Variants in IARS1 observed in about 807,000 individuals in gnomAD.
IARS1 encodes isoleucine--tRNA ligase, cytoplasmic.
Under a neutral mutation model 168.2 loss-of-function variants are expected in IARS1, and 124 were observed. The ratio of observed to expected loss-of-function variants is 0.74; its 90% CI spans 0.64 to 0.86. The LOEUF is 0.86. IARS1 is among the 40% of genes least tolerant of loss of function. The probability of loss-of-function intolerance (pLI) is 0.00; values close to 1 mark genes in which losing one functional copy is unlikely to be tolerated. For missense variants in IARS1, 1,452 were observed against 1,515.8 expected (o/e 0.96, Z 0.70); for synonymous variants, 532 against 529.4 (o/e 1.00, Z -0.07).
chr9:92,281,958 T>C (rs1420713373), intron 6 of IARS1, among the ~76,000 whole-genome samples: 1 of 152,150 alleles, frequency 6.6e-6, no homozygotes, highest in East Asian at 1.9e-4. Context: ...TGTAGGTCTT[T>C]TTTGTTTTTC....
At chr9:92,215,681 GATGAA>G (rs1838550953) in intron 33 of IARS1, among the ~76,000 whole-genome samples, 1 of 152,024 alleles carries the variant, frequency 6.6e-6, no homozygotes, top group African/African-American at 2.4e-5. Context: ...AGCGATGGAA[GATGAA>G]ATGAATGAAA....
In IARS1 at chr9:92,231,012, A is replaced by G. The variant is rs2133492863; in HGVS notation, c.3284-1886T>C. Among the ~76,000 whole-genome samples the G allele has an allele frequency of 2.0e-5, 3 of 152,312 alleles. 1 individual carries two copies. Among genetic ancestry groups the G allele is most frequent in the Middle Eastern group, 6.8e-3 (2 of 294 alleles). On this transcript the variant is annotated intron_variant, in intron 30 of 33. Coordinates refer to ENST00000443024, the MANE Select transcript of IARS1 (RefSeq NM_002161.6). Reference sequence around the variant, plus strand: ...TCTTTTGTCAAATATGTTGTTTTATAAAGATTTTCTCCCAGTCTGTAGCTT... The same window carrying G: ...TCTTTTGTCAAATATGTTGTTTTATGAAGATTTTCTCCCAGTCTGTAGCTT...
In IARS1 at chr9:92,260,232, T is replaced by C. The variant is rs1390356866; in HGVS notation, c.1790A>G (p.Asp597Gly). The C allele has an allele frequency of 1.1e-5, 17 of 1,610,888 alleles. No homozygotes were observed. The highest frequency in any genetic ancestry group is 1.4e-5 in the Non-Finnish European group (16 of 1,176,994). Residue 597 changes from aspartate to glycine, a missense_variant and splice_region_variant, in exon 18 of 34, where the codon GAT becomes GGT. By Grantham distance (94) the Asp-to-Gly change is moderately conservative. Coordinates refer to ENST00000443024, the MANE Select transcript of IARS1 (RefSeq NM_002161.6). Reference protein sequence around the residue: ...VIVNGLVLASDGQKMSKRKKN... With the variant: ...VIVNGLVLASGGQKMSKRKKN... ...TTTCCGTTTGCTCATTTTTTGGCCA[T>C]CACTTGTAAAACAAAAGGGAGATGC...
rs1024236848 is a variant in IARS1 at position 92,280,076 on chromosome 9, T to C, written c.745+670A>G. Among the ~76,000 whole-genome samples, 16 of 152,356 alleles carry C rather than the reference T, an allele frequency of 1.1e-4. No homozygotes were observed. In the South Asian group the frequency reaches 3.1e-3, roughly 30 times the overall value. On this transcript the variant is annotated intron_variant, in intron 7 of 33. Coordinates refer to ENST00000443024, the MANE Select transcript of IARS1 (RefSeq NM_002161.6). ...ACTTGGGTTGCTTCTATCTTTTGAC[T>C]ACTGTGAATAATGCTCCTATGAACA...
chr9:92,220,830 G>A (rs1256143797), intron 33 of IARS1, among the ~76,000 whole-genome samples: 1 of 152,110 alleles, frequency 6.6e-6, no homozygotes, highest in Non-Finnish European at 1.5e-5. Flanking sequence ...AGCTGGGCAT[G>A]GTGGCGCGTG....
At chr9:92,265,156 C>G in intron 15 of IARS1, 33 bp from the exon 16 acceptor site, 1 of 1,562,810 alleles carries the variant, frequency 6.4e-7, no homozygotes, top group South Asian at 1.2e-5. Context: ...TTTCTATTAA[C>G]TGTAAGCATA....
In IARS1 at chr9:92,264,940, T is replaced by C; in HGVS notation, c.1689A>G (p.Gln563=). ...ACAAGGAGGCATACCATCCTCTGGT[T>C]TGGTCGATGCCCTCGGCAATGAAAT... The part of the protein sequence containing the change: ...PADFIAEGID[Q]TRGWFYTLLV... The change falls in exon 16 of 34, where the codon CAA becomes CAG. Residue 563 remains glutamine, a synonymous_variant. Transcript: ENST00000443024. 1 of 1,613,452 alleles carries C rather than the reference T, an allele frequency of 6.2e-7. No homozygotes were observed. Among genetic ancestry groups the C allele is most frequent in the Non-Finnish European group, 8.5e-7 (1 of 1,179,646 alleles).
rs570430251 is a variant in IARS1 at position 92,262,995 on chromosome 9, T to G, written c.1761A>C (p.Val587=). The change falls in exon 17 of 34, where the codon GTA becomes GTC. Residue 587 remains valine, a synonymous_variant. Coordinates refer to ENST00000443024, the MANE Select transcript of IARS1 (RefSeq NM_002161.6). ...ALFGQPPFKN[V]IVNGLVLASD... ...TTGCCAGGACAAGCCCATTCACAAT[T>G]ACGTTCTTGAAAGGCGGTTGTCCAA... is the stretch of plus-strand genomic sequence containing the variant. The G allele has an allele frequency of 1.2e-6, 2 of 1,613,986 alleles. No homozygotes were observed.
At chr9:92,240,345 C>A (rs1160471691) in intron 30 of IARS1, 1 of 277,436 alleles carries the variant, frequency 3.6e-6, no homozygotes, top group Admixed American at 4.7e-5. Flanking sequence ...CTCACTGCAA[C>A]CTCCACCTCC....
chr9:92,210,756 G>C lies in IARS1; in HGVS notation c.*51C>G. On this transcript the variant is annotated 3_prime_UTR_variant, in exon 34 of 34. Coordinates refer to ENST00000443024, the MANE Select transcript of IARS1 (RefSeq NM_002161.6). ...GTGTCTATGTGCATGTATGTGTAGG[G>C]GATAGGTGTAATTAGGGAAGGGCTG... The C allele has an allele frequency of 9.8e-7, 1 of 1,015,576 alleles. No individual in the cohort carries two copies. Among genetic ancestry groups the C allele is most frequent in the South Asian group, 1.3e-5 (1 of 78,944 alleles). 62.9% of individuals were successfully genotyped at this position (1,015,576 alleles called of 1,614,324 possible). A position where few individuals can be genotyped will look rare whatever the true frequency, so the allele number is the denominator to read the frequency against.
chr9:92,264,106 G>A (rs1831928261), intron 16 of IARS1, among the ~76,000 whole-genome samples: 1 of 152,114 alleles, frequency 6.6e-6, no homozygotes, highest in South Asian at 2.1e-4. Context: ...AGGCTGAGAC[G>A]GGTGGGTCAC....
chr9:92,267,449 G>C lies in IARS1; in HGVS notation c.1431+725C>G, dbSNP rs553684396. Among the ~76,000 whole-genome samples, 12 of 152,312 alleles carry C rather than the reference G, an allele frequency of 7.9e-5. No homozygotes were observed. In the East Asian group the frequency reaches 2.3e-3, roughly 29 times the overall value. ...CCAAACACACAGATCTATCTGTATA[G>C]TAAGTCCTCGCCTGATGTCATTGAG... On this transcript the variant is annotated intron_variant, in intron 14 of 33. Transcript: ENST00000443024.
intron 29 of IARS1, 69 bp downstream of exon 29, chr9:92,242,085 A>G (rs1166320923): frequency 8.5e-7 from 1 of 1,175,480 alleles, no homozygotes; most frequent in Non-Finnish European, 1.3e-6. Flanking sequence ...GAATATCAAC[A>G]CGTGAGTACA....
chr9:92,217,305 C>T (rs1217074429), intron 33 of IARS1, among the ~76,000 whole-genome samples: 10 of 147,328 alleles, frequency 6.8e-5, no homozygotes, highest in Non-Finnish European at 1.3e-4. Context: ...GCACTAAATG[C>T]CCACAAGAGA....
intron 31 of IARS1, among the ~76,000 whole-genome samples, chr9:92,225,908 C>A (rs531501703): frequency 6.6e-6 from 1 of 152,222 alleles, no homozygotes; most frequent in Non-Finnish European, 1.5e-5. Flanking sequence ...GAGCAGCCCA[C>A]GCTCCTGCCT....
At chr9:92,238,237 G>A (rs1376375034) in intron 30 of IARS1, among the ~76,000 whole-genome samples, 1 of 151,990 alleles carries the variant, frequency 6.6e-6, no homozygotes. Context: ...AGCTTCTTGT[G>A]GGTTACTGAT....
intron 31 of IARS1, among the ~76,000 whole-genome samples, chr9:92,227,655 C>G (rs1825954476): frequency 1.3e-5 from 2 of 151,244 alleles, no homozygotes; most frequent in South Asian, 4.2e-4. Context: ...CCTCACTTCT[C>G]AGACGGGGCG....
chr9:92,213,497 T>G (rs1380684809), intron 33 of IARS1, among the ~76,000 whole-genome samples: 1 of 152,224 alleles, frequency 6.6e-6, no homozygotes, highest in Non-Finnish European at 1.5e-5. Flanking sequence ...GGAGGCAATG[T>G]GACCACGGAG....
At position 92,223,433 on chromosome 9, in the gene IARS1, C is replaced by A; in HGVS notation, c.3466G>T (p.Ala1156Ser). Residue 1156 changes from alanine (A) to serine (S), a missense_variant, in exon 32 of 34, where the codon GCA becomes TCA. Transcript: ENST00000443024. ...TTGATCAGAGAGGGAGCCGATCCTG[C>A]AGTCACACAAAGTGTTTTTCCACTA... is the stretch of plus-strand genomic sequence containing the variant. ...SLSGKTLCVT[A>S]GSAPSLINSS... is the part of the protein sequence containing the mutation. 1 of 1,613,866 alleles carries A rather than the reference C, an allele frequency of 6.2e-7. No individual in the cohort carries two copies. The highest frequency in any genetic ancestry group is 1.1e-5 in the South Asian group (1 of 91,062).
Sources: gnomAD v4.1 joint callset for allele counts (sites outside exome capture counted in the v4.1 genomes callset) on GRCh38, gnomAD v4.1.1 for gene constraint, MANE v1.5 for transcripts, NCBI Gene and HGNC (gene_info 2026-07-23, HGNC 2026-07-21) for gene names.